The following EFCAB6 variants were observed in gnomAD, a reference collection of about 807,000 sequenced individuals.
EFCAB6 encodes the protein EF-hand calcium-binding domain-containing protein 6.
In EFCAB6, 156 loss-of-function variants were observed where a neutral mutation model predicts 169.8. The observed-to-expected ratio is 0.92, with a 90% CI of 0.81 to 1.05. The LOEUF (loss-of-function observed/expected upper bound fraction) is 1.05. Among genes scored for constraint, EFCAB6 ranks in the 50% least tolerant of loss-of-function variants. The probability of loss-of-function intolerance (pLI) is 0.00; values close to 1 mark genes in which losing one functional copy is unlikely to be tolerated. For synonymous variants in EFCAB6, 698 were observed against 676.4 expected (o/e 1.03, Z -0.50); for missense variants, 1,800 against 1,829.1 (o/e 0.98, Z 0.29).
intron 19 of EFCAB6, among the ~76,000 whole-genome samples, chr22:43,629,796 G>C (rs1365006583): frequency 6.6e-6 from 1 of 152,086 alleles, no homozygotes; most frequent in East Asian, 1.9e-4. Context: ...AAAGGGTGAG[G>C]GGGTGAGGGG....
intron 23 of EFCAB6, among the ~76,000 whole-genome samples, chr22:43,595,144 G>A (rs1457807192): frequency 6.6e-6 from 1 of 151,666 alleles, no homozygotes; most frequent in Non-Finnish European, 1.5e-5. Flanking sequence ...AGAGGGACAT[G>A]TATAGCAATA....
chr22:43,614,803 C>T (rs2053581769), intron 21 of EFCAB6, among the ~76,000 whole-genome samples: 1 of 152,214 alleles, frequency 6.6e-6, no homozygotes, highest in Non-Finnish European at 1.5e-5. Context: ...ACAGTCCACT[C>T]TATAGAGTCC....
At chr22:43,802,745 C>T in intron 2 of EFCAB6, 1 of 510,320 alleles carries the variant, frequency 2.0e-6, no homozygotes, top group Non-Finnish European at 3.9e-6. Context: ...AGACCGGGCA[C>T]AGAAAGCTGA....
At chr22:43,768,639 T>C (rs761030276) in intron 4 of EFCAB6, among the ~76,000 whole-genome samples, 5 of 152,224 alleles carry the variant, frequency 3.3e-5, no homozygotes, top group Non-Finnish European at 5.9e-5. Flanking sequence ...ATCTTACTTG[T>C]CATTTAGGAC....
intron 4 of EFCAB6, among the ~76,000 whole-genome samples, chr22:43,767,567 G>A (rs2061355770): frequency 6.6e-6 from 1 of 152,098 alleles, no homozygotes; most frequent in Non-Finnish European, 1.5e-5. Flanking sequence ...TGTTTTACAT[G>A]AGTAGCCCTA....
chr22:43,658,333 G>C (rs150714638), intron 17 of EFCAB6, among the ~76,000 whole-genome samples: 1 of 152,178 alleles, frequency 6.6e-6, no homozygotes, highest in African/African-American at 2.4e-5. Flanking sequence ...TTTCAGAGGC[G>C]ACCTAGGGAT....
chr22:43,595,539 T>A (rs867518682), intron 23 of EFCAB6, among the ~76,000 whole-genome samples: 14 of 152,092 alleles, frequency 9.2e-5, no homozygotes, highest in African/African-American at 3.4e-4. Flanking sequence ...CTACCAAGAT[T>A]GAACCATGAA....
intron 2 of EFCAB6, among the ~76,000 whole-genome samples, chr22:43,790,566 T>C (rs1486466623): frequency 1.3e-5 from 2 of 152,134 alleles, no homozygotes; most frequent in Non-Finnish European, 2.9e-5. Flanking sequence ...AGGGGAACCA[T>C]GCAGTTAGGA....
chr22:43,604,700 G>T (rs931648041), intron 22 of EFCAB6, among the ~76,000 whole-genome samples: 6 of 148,274 alleles, frequency 4.0e-5, no homozygotes, highest in African/African-American at 7.4e-5. Flanking sequence ...AAAACCATGG[G>T]TTTTTTTTTT....
At chr22:43,629,325 T>C (rs191262201) in intron 19 of EFCAB6, among the ~76,000 whole-genome samples, 3 of 152,348 alleles carry the variant, frequency 2.0e-5, no homozygotes, top group Admixed American at 2.0e-4. Flanking sequence ...CGGTGCCATG[T>C]ACTAGAGGTG....
chr22:43,732,390 C>A (rs184875444), intron 7 of EFCAB6, among the ~76,000 whole-genome samples: 79 of 151,010 alleles, frequency 5.2e-4, no homozygotes, highest in Admixed American at 1.1e-3. Context: ...TGAAGCATTT[C>A]GTGATTTTTA....
intron 24 of EFCAB6, among the ~76,000 whole-genome samples, chr22:43,588,233 C>T (rs2051208548): frequency 6.6e-6 from 1 of 151,996 alleles, no homozygotes; most frequent in African/African-American, 2.4e-5. Flanking sequence ...ACCTCAGTGC[C>T]CCGTCCTCCA....
Position 43,737,613 on chromosome 22 carries a change from T to TCA in EFCAB6, c.508-1622_508-1621dup, listed in dbSNP as rs572261569. Among the ~76,000 whole-genome samples the TCA allele has an allele frequency of 3.2e-3, 439 of 136,776 alleles. 3 individuals carry two copies. The highest frequency in any genetic ancestry group is 0.012 in the African/African-American group (416 of 35,902). 89.7% of individuals were successfully genotyped at this position (136,776 alleles called of 152,430 possible). A position where few individuals can be genotyped will look rare whatever the true frequency, so the allele number is the denominator to read the frequency against. On this transcript the variant is annotated intron_variant, in intron 6 of 31. Transcript: ENST00000262726. ...TACACCATCACTCACACACATATAT[T>TCA]CACACACACACATGCAGATATTCAC...
chr22:43,598,310 G>GAAAACAAAAAAAA (rs1402967848), intron 23 of EFCAB6, among the ~76,000 whole-genome samples: 1 of 57,658 alleles, frequency 1.7e-5, no homozygotes, highest in African/African-American at 5.4e-5. Flanking sequence ...ACTGTCTCCG[G>GAAAACAAAAAAAA]GAAAAAAAAA....
Position 43,755,798 on chromosome 22 carries a change from A to G in EFCAB6, c.475T>C (p.Leu159=), listed in dbSNP as rs763986686. The part of the protein sequence containing the change: ...GGNEMNCCRT[L]RELEIQVGEK... ...CCCACTTGGATTTCAAGTTCTCTTA[A>G]TGTGCGGCAGCAATTCATTTCATTC... Residue 159 remains leucine, a synonymous_variant, in exon 6 of 32, where the codon TTA becomes CTA. Transcript: ENST00000262726. 6.2e-7 allele frequency: 1 copy of G among 1,607,198 alleles called. No homozygotes were observed. Among genetic ancestry groups the G allele is most frequent in the Non-Finnish European group, 8.5e-7 (1 of 1,178,066 alleles).
At chr22:43,565,149 A>G (rs2049341661) in intron 26 of EFCAB6, among the ~76,000 whole-genome samples, 1 of 152,228 alleles carries the variant, frequency 6.6e-6, no homozygotes, top group Non-Finnish European at 1.5e-5. Flanking sequence ...ATGAAGGAGC[A>G]TTTGCGTAAT....
chr22:43,534,726 G>C lies in EFCAB6; in HGVS notation c.4195C>G (p.Leu1399Val). ...VLLLKAKESS[L>V]MHRMKIQNAH... ...TTCTGGATCTTCATCCTGTGCATCAGTGAGCTTTCCTTTGCTTTTAGCAGG... is the reference window on the plus strand; with the variant it reads ...TTCTGGATCTTCATCCTGTGCATCACTGAGCTTTCCTTTGCTTTTAGCAGG... Residue 1399 changes from leucine to valine, a missense_variant, in exon 30 of 32, where the codon CTG (leucine) becomes GTG (valine). Transcript: ENST00000262726. 6.2e-7 allele frequency: 1 copy of C among 1,613,410 alleles called. No individual in the cohort carries two copies. Among genetic ancestry groups the C allele is most frequent in the Non-Finnish European group, 8.5e-7 (1 of 1,179,824 alleles).
intron 10 of EFCAB6, among the ~76,000 whole-genome samples, chr22:43,701,769 C>G (rs1171422636): frequency 4.7e-5 from 7 of 148,570 alleles, no homozygotes; most frequent in African/African-American, 9.9e-5. Flanking sequence ...CTTATCAAGC[C>G]TGGGTAAGAA....
intron 23 of EFCAB6, among the ~76,000 whole-genome samples, chr22:43,595,248 A>G (rs1362885658): frequency 6.6e-6 from 1 of 152,138 alleles, no homozygotes; most frequent in African/African-American, 2.4e-5. Context: ...CCAAACCTAA[A>G]TTAGTAGAAA....
Sources: allele counts gnomAD v4.1 joint callset (sites outside exome capture counted in the v4.1 genomes callset), GRCh38; gene constraint gnomAD v4.1.1; transcripts MANE v1.5; gene names NCBI Gene and HGNC (gene_info 2026-07-23, HGNC 2026-07-21).